Variants in MEX3D observed in about 807,000 individuals in gnomAD.
MEX3D encodes RNA-binding protein MEX3D.
MEX3D carries 4 observed loss-of-function variants against 6.3 expected under a neutral mutation model. The ratio of observed to expected loss-of-function variants is 0.64; its 90% CI spans 0.31 to 1.46. The LOEUF (loss-of-function observed/expected upper bound fraction) is 1.46. Among genes scored for constraint, MEX3D ranks in the 40% most tolerant of loss-of-function variants. The pLI, the probability that MEX3D is intolerant of heterozygous loss-of-function variation, is 0.07. For synonymous variants in MEX3D, 626 were observed against 494.1 expected, an observed-to-expected ratio of 1.27 and a Z score of -3.54; for missense variants, 1,038 against 994.4, an observed-to-expected ratio of 1.04 and a Z score of -0.59.
At chr19:1,564,735 G>C (rs1198513357) in intron 1 of MEX3D, among the ~76,000 whole-genome samples, 3 of 152,094 alleles carry the variant, frequency 2.0e-5, no homozygotes, top group African/African-American at 7.2e-5. Context: ...TCTTGTCTAG[G>C]TGGGGAGGCC....
Position 1,556,006 on chromosome 19 carries a change from TGCGCCGG to T in MEX3D, c.1506_1512del (p.Arg503AlafsTer104). On this transcript the variant is annotated frameshift_variant, in exon 2 of 2. Coordinates refer to ENST00000402693, the MANE Select transcript of MEX3D (RefSeq NM_203304.4). LOFTEE classifies it low-confidence loss of function (END_TRUNC). The surrounding 1 kb of genome is among the most constrained non-coding windows in gnomAD (Gnocchi z 7.5). ...TGGCGGGGGGTCCCGGCCCCACTGC[TGCGCCGG>T]GCGCCGGCGGCGGGAGGTCCCGGGG... is the stretch of plus-strand genomic sequence containing the variant. 3.3e-6 allele frequency: 4 copies of T among 1,225,330 alleles called. No individual in the cohort carries two copies. Among genetic ancestry groups the T allele is most frequent in the Non-Finnish European group, 4.1e-6 (4 of 978,988 alleles). 75.9% of individuals were successfully genotyped at this position (1,225,330 alleles called of 1,614,324 possible). A position where few individuals can be genotyped will look rare whatever the true frequency, so the allele number is the denominator to read the frequency against.
rs865889029 is a variant in MEX3D, at chr19:1,568,180, G to A, written c.-122C>T. ...TGCATCCAGCGGCGGGGGCGGGCAC[G>A]GGGGGCCGGGCGGGCGGGGCGGCGG... On this transcript the variant is annotated 5_prime_UTR_variant, in exon 1 of 2. Transcript: ENST00000402693. The A allele has an allele frequency of 6.4e-3, 5,434 of 850,996 alleles. 22 individuals are homozygous for A. Among genetic ancestry groups the A allele is most frequent in the Non-Finnish European group, 7.0e-3 (4,999 of 712,702 alleles). The allele number at this position is 850,996 out of a possible 1,614,324, so 52.7% of individuals were successfully genotyped here.
Position 1,555,499 on chromosome 19 carries a change from G to T in MEX3D, c.*64C>A. The T allele has an allele frequency of 8.4e-7, 1 of 1,191,846 alleles. No homozygotes were observed. The highest frequency in any genetic ancestry group is 1.1e-6 in the Non-Finnish European group (1 of 908,180). 73.8% of individuals were successfully genotyped at this position (1,191,846 alleles called of 1,614,324 possible). A position where few individuals can be genotyped will look rare whatever the true frequency, so the allele number is the denominator to read the frequency against. On this transcript the variant is annotated 3_prime_UTR_variant, in exon 2 of 2. Transcript: ENST00000402693. ...CCGTCCCTCTCCCACCCCGGGTCCCGCCCCGTCTCCCGCGCCCACCCCTGG... is the reference window on the plus strand; with the variant it reads ...CCGTCCCTCTCCCACCCCGGGTCCCTCCCCGTCTCCCGCGCCCACCCCTGG...
intron 1 of MEX3D, among the ~76,000 whole-genome samples, chr19:1,565,776 G>A (rs1411511840): frequency 1.3e-5 from 2 of 152,176 alleles, no homozygotes; most frequent in African/African-American, 4.8e-5. Flanking sequence ...CCAGAGGTGG[G>A]GGCTGAGCCT....
At chr19:1,561,805 G>A (rs905525422) in intron 1 of MEX3D, among the ~76,000 whole-genome samples, 5 of 151,162 alleles carry the variant, frequency 3.3e-5, no homozygotes, top group South Asian at 2.2e-4. Context: ...CACCACCCCC[G>A]GCTAATTGTT....
chr19:1,556,048 C>T lies in MEX3D; in HGVS notation c.1471G>A (p.Val491Ile), dbSNP rs1599321771. 2.2e-6 allele frequency: 3 copies of T among 1,362,660 alleles called. No homozygotes were observed. In the East Asian group the frequency reaches 1.1e-4, roughly 49 times the overall value. The allele number at this position is 1,362,660 out of a possible 1,614,324, so 84.4% of individuals were successfully genotyped here. A position where few individuals can be genotyped will look rare whatever the true frequency, so the allele number is the denominator to read the frequency against. Residue 491 changes from valine to isoleucine, a missense_variant, in exon 2 of 2, where the codon GTC becomes ATC. Physicochemically the swap from Val to Ile is conservative, Grantham distance 29. Around this residue, in one of 5 missense-constraint regions of MEX3D, gnomAD observed 581 missense variants for 516.2 expected, o/e 1.13. Transcript: ENST00000402693. The surrounding 1 kb of genome is among the most constrained non-coding windows in gnomAD (Gnocchi z 7.5). ...PLPAFSGCST[V>I]NGAPGPPAAG... The stretch of plus-strand genomic sequence containing the variant: ...GCGGGAGGTCCCGGGGCTCCGTTGA[C>T]CGTGGAGCAGCCGCTGAAGGCGGGC...
chr19:1,565,044 G>C (rs374098039), intron 1 of MEX3D, among the ~76,000 whole-genome samples: 1 of 152,092 alleles, frequency 6.6e-6, no homozygotes, highest in Non-Finnish European at 1.5e-5. Flanking sequence ...CTGGCAACGC[G>C]CACTCCACTT....
intron 1 of MEX3D, among the ~76,000 whole-genome samples, chr19:1,564,749 C>G (rs1266131036): frequency 6.6e-6 from 1 of 152,022 alleles, no homozygotes; most frequent in East Asian, 1.9e-4. Flanking sequence ...GGAGGCCGGA[C>G]AGGTGCACCC....
In MEX3D at chr19:1,562,896, T is replaced by G. The variant is rs141787040; in HGVS notation, c.595+4568A>C. On this transcript the variant is annotated intron_variant, in intron 1 of 1. Coordinates refer to ENST00000402693, the MANE Select transcript of MEX3D (RefSeq NM_203304.4). ...CTGGCGTGGTGGTGGCAGATACCTGTAATCCCAGCTACTCGGGAGGCTGAG... is the reference window on the plus strand; with the variant it reads ...CTGGCGTGGTGGTGGCAGATACCTGGAATCCCAGCTACTCGGGAGGCTGAG... 1.6e-4 allele frequency among the ~76,000 whole-genome samples: 24 copies of G among 152,028 alleles called. No homozygotes were observed. In the East Asian group the frequency reaches 4.3e-3, roughly 27 times the overall value.
At chr19:1,560,698 C>A (rs952316716) in intron 1 of MEX3D, among the ~76,000 whole-genome samples, 1 of 152,194 alleles carries the variant, frequency 6.6e-6, no homozygotes, top group South Asian at 2.1e-4. Context: ...GCGCCTCCCC[C>A]TCCCCTTACT....
Position 1,567,293 on chromosome 19 carries a change from C to T in MEX3D, c.595+171G>A, listed in dbSNP as rs979753859. ...GCGGGCTGCGCCCAACTTTCTCCCGCGGCGGCTGCAGGACAAAGGCGCAAA... is the reference window on the plus strand; with the variant it reads ...GCGGGCTGCGCCCAACTTTCTCCCGTGGCGGCTGCAGGACAAAGGCGCAAA... On this transcript the variant is annotated intron_variant, in intron 1 of 1. Transcript: ENST00000402693. This position sits in a 1 kb window ranked among gnomAD's most constrained non-coding sequence, Gnocchi z 6.5. Among the ~76,000 whole-genome samples the T allele has an allele frequency of 2.0e-5, 3 of 151,720 alleles. No homozygotes were observed. The highest frequency in any genetic ancestry group is 1.3e-4 in the Admixed American group (2 of 15,248).
chr19:1,559,842 C>T (rs1599325153), intron 1 of MEX3D, among the ~76,000 whole-genome samples: 1 of 152,094 alleles, frequency 6.6e-6, no homozygotes, highest in South Asian at 2.1e-4. Context: ...GGCGGGGGTG[C>T]ACCCACTCGG....
At chr19:1,561,024 A>C (rs1914704334) in intron 1 of MEX3D, among the ~76,000 whole-genome samples, 2 of 152,232 alleles carry the variant, frequency 1.3e-5, no homozygotes, top group Non-Finnish European at 2.9e-5. Context: ...CCATGTCCCC[A>C]GAATTCCAAC....
In MEX3D at chr19:1,555,616, C is replaced by A; in HGVS notation, c.1903G>T (p.Glu635Ter). Reference sequence around the variant, plus strand: ...GCCGGCGTGCGGCAGGCGGGACACTCGGGCTCGCTCTTGCCGCAGATGCGG... The same window carrying A: ...GCCGGCGTGCGGCAGGCGGGACACTAGGGCTCGCTCTTGCCGCAGATGCGG... ...AVRICGKSEP[E>*]CPACRTPATQ... Residue 635 changes from glutamate (E) to a stop codon, truncating the protein, a stop_gained, in exon 2 of 2, where the codon GAG (glutamate) becomes TAG (stop). Coordinates refer to ENST00000402693, the MANE Select transcript of MEX3D (RefSeq NM_203304.4). LOFTEE classifies it high-confidence loss of function. The A allele has an allele frequency of 6.3e-7, 1 of 1,591,708 alleles. No individual in the cohort carries two copies. The highest frequency in any genetic ancestry group is 1.3e-5 in the African/African-American group (1 of 74,374).
chr19:1,566,923 G>A (rs575555758), intron 1 of MEX3D, among the ~76,000 whole-genome samples: 2 of 152,240 alleles, frequency 1.3e-5, no homozygotes, highest in South Asian at 4.1e-4. Context: ...CTCGGGGCCA[G>A]AGAGTGGAGC....
At chr19:1,564,228 C>T (rs1354107592) in intron 1 of MEX3D, among the ~76,000 whole-genome samples, 2 of 151,976 alleles carry the variant, frequency 1.3e-5, no homozygotes, top group Non-Finnish European at 2.9e-5. Context: ...ACACAGTAGA[C>T]CCTCAATAAA....
In MEX3D at chr19:1,567,506, C is replaced by T; in HGVS notation, c.553G>A (p.Val185Met). ...TCGGCGACGTGCTCGGAGCTGGGCA[C>T]CGGGACGCACTCGGTCATGTTGACG... Reference protein sequence around the residue: ...KSVNMTECVPVPSSEHVAEIV... With the variant: ...KSVNMTECVPMPSSEHVAEIV... The change falls in exon 1 of 2, where the codon GTG becomes ATG. Residue 185 changes from valine (V) to methionine (M), a missense_variant. By Grantham distance (21) the Val-to-Met change is conservative (BLOSUM62 1). Around this residue, in one of 5 missense-constraint regions of MEX3D, gnomAD observed 75 missense variants for 125.1 expected, o/e 0.60. Coordinates refer to ENST00000402693, the MANE Select transcript of MEX3D (RefSeq NM_203304.4). This position sits in a 1 kb window ranked among gnomAD's most constrained non-coding sequence, Gnocchi z 6.5. The T allele has an allele frequency of 6.4e-7, 1 of 1,572,850 alleles. No individual in the cohort carries two copies.
chr19:1,556,727 G>A lies in MEX3D; in HGVS notation c.792C>T (p.Ala264=), dbSNP rs749541574. 3 of 1,611,420 alleles carry A rather than the reference G, an allele frequency of 1.9e-6. No individual in the cohort carries two copies. Among genetic ancestry groups the A allele is most frequent in the Non-Finnish European group, 2.5e-6 (3 of 1,179,182 alleles). Residue 264 remains alanine, a synonymous_variant, in exon 2 of 2, where the codon GCC becomes GCT. Coordinates refer to ENST00000402693, the MANE Select transcript of MEX3D (RefSeq NM_203304.4). This position sits in a 1 kb window ranked among gnomAD's most constrained non-coding sequence, Gnocchi z 7.5. ...GTCCGGGAAGGTTGGGCGGGCCCTGGGCGGCGCCGGGCAGACCCCCGGCCT... is the reference window on the plus strand; with the variant it reads ...GTCCGGGAAGGTTGGGCGGGCCCTGAGCGGCGCCGGGCAGACCCCCGGCCT... ...RSKAGGLPGA[A]QGPPNLPGQT...
At chr19:1,559,367 A>T (rs962924774) in intron 1 of MEX3D, among the ~76,000 whole-genome samples, 3 of 152,198 alleles carry the variant, frequency 2.0e-5, no homozygotes, top group African/African-American at 7.2e-5. Context: ...TCCTGACCTC[A>T]GGTGATCCAC....
Sources: gnomAD v4.1 joint callset for allele counts (sites outside exome capture counted in the v4.1 genomes callset) on GRCh38, gnomAD v4.1.1 for gene constraint, gnomAD v4.1.1 regional missense constraint, Gnocchi (gnomAD v3.1) non-coding constraint, MANE v1.5 for transcripts, NCBI Gene and HGNC (gene_info 2026-07-23, HGNC 2026-07-21) for gene names.